The following FTO variants were observed in gnomAD, a reference collection of about 807,000 sequenced individuals.
The protein encoded by FTO is alpha-ketoglutarate-dependent dioxygenase FTO.
Under a neutral mutation model 63.9 loss-of-function variants are expected in FTO, and 47 were observed. That is an observed-to-expected ratio of 0.74 (90% CI 0.58 to 0.94). The LOEUF (loss-of-function observed/expected upper bound fraction) is 0.94. Among genes scored for constraint, FTO ranks in the 40% least tolerant of loss-of-function variants. The pLI is 0.00. For synonymous variants in FTO, 207 were observed against 224.4 expected (o/e 0.92, Z 0.69); for missense variants, 562 against 618.1 (o/e 0.91, Z 0.96).
chr16:53,961,156 T>G (rs985289068), intron 8 of FTO, among the ~76,000 whole-genome samples: 1 of 151,822 alleles, frequency 6.6e-6, no homozygotes, highest in African/African-American at 2.4e-5. Context: ...TTTTTTTTTT[T>G]CCCCTCTCCT....
intron 8 of FTO, among the ~76,000 whole-genome samples, chr16:54,076,079 C>G (rs1224282885): frequency 3.3e-5 from 5 of 152,094 alleles, no homozygotes; most frequent in African/African-American, 1.2e-4. Flanking sequence ...CATCAATATC[C>G]CTCTTCCTGA....
At chr16:53,949,624 G>A (rs2082723860) in intron 8 of FTO, among the ~76,000 whole-genome samples, 2 of 150,668 alleles carry the variant, frequency 1.3e-5, no homozygotes, top group Admixed American at 1.3e-4. Context: ...TTAACATAAG[G>A]TCAGAAAATC....
intron 1 of FTO, among the ~76,000 whole-genome samples, chr16:53,706,004 C>T (rs1187705263): frequency 6.6e-6 from 1 of 152,096 alleles, no homozygotes. Flanking sequence ...GTAGGTAAAT[C>T]GTGACTTGCC....
At chr16:53,952,086 C>T (rs943465719) in intron 8 of FTO, among the ~76,000 whole-genome samples, 1 of 151,954 alleles carries the variant, frequency 6.6e-6, no homozygotes, top group African/African-American at 2.4e-5. Context: ...CGTGTTTTGC[C>T]CATATTCCTT....
intron 8 of FTO, among the ~76,000 whole-genome samples, chr16:53,954,795 G>A (rs576555939): frequency 3.3e-5 from 5 of 151,924 alleles, no homozygotes; most frequent in Non-Finnish European, 7.4e-5. Flanking sequence ...GGCTCACGTC[G>A]TTAGTGGGCC....
intron 1 of FTO, among the ~76,000 whole-genome samples, chr16:53,784,794 A>C (rs2077689737): frequency 6.6e-6 from 1 of 152,198 alleles, no homozygotes; most frequent in African/African-American, 2.4e-5. Flanking sequence ...CTATATTTGG[A>C]GGTAGAATTC....
At chr16:54,025,024 T>C (rs2084683022) in intron 8 of FTO, among the ~76,000 whole-genome samples, 1 of 152,240 alleles carries the variant, frequency 6.6e-6, no homozygotes, top group African/African-American at 2.4e-5. Context: ...GTAGAGGCTT[T>C]TAGAAATTCC....
At chr16:53,735,053 CCT>C (rs2076359448) in intron 1 of FTO, among the ~76,000 whole-genome samples, 2 of 152,188 alleles carry the variant, frequency 1.3e-5, no homozygotes, top group Non-Finnish European at 2.9e-5. Flanking sequence ...CATGGCTGCC[CCT>C]GTTAGCAGGG....
intron 1 of FTO, among the ~76,000 whole-genome samples, chr16:53,727,275 T>C (rs2076175378): frequency 6.6e-6 from 1 of 152,192 alleles, no homozygotes; most frequent in Non-Finnish European, 1.5e-5. Flanking sequence ...CTTTCAGCTG[T>C]TAGTTTAAGG....
At chr16:53,704,020 TCG>T, upstream of FTO, 1 of 757,834 alleles carries the variant, frequency 1.3e-6, no homozygotes, top group South Asian at 1.5e-5. Flanking sequence ...CCCGTGGCGC[TCG>T]CGGGTGTCGC....
chr16:53,929,134 G>A (rs1278655418), intron 7 of FTO, among the ~76,000 whole-genome samples: 2 of 152,070 alleles, frequency 1.3e-5, no homozygotes, highest in Admixed American at 6.6e-5. Flanking sequence ...TGAGCCACAT[G>A]TCCTATGAGT....
At chr16:53,853,064 G>A (rs1253311503) in intron 4 of FTO, among the ~76,000 whole-genome samples, 16 of 152,160 alleles carry the variant, frequency 1.1e-4, no homozygotes, top group Non-Finnish European at 2.2e-4. Context: ...AGGCTGAGGC[G>A]GGCGGATCAC....
At chr16:54,078,439 C>T (rs2086054724) in intron 8 of FTO, among the ~76,000 whole-genome samples, 1 of 148,076 alleles carries the variant, frequency 6.8e-6, no homozygotes, top group Non-Finnish European at 1.5e-5. Context: ...TGCACACACA[C>T]ACTTCAAATT....
At chr16:54,032,809 A>G (rs1045635172) in intron 8 of FTO, among the ~76,000 whole-genome samples, 1 of 152,008 alleles carries the variant, frequency 6.6e-6, no homozygotes, top group African/African-American at 2.4e-5. Flanking sequence ...GGTCCTGGGG[A>G]TGGATCCCTC....
chr16:53,883,838 T>G (rs997431027), intron 6 of FTO, among the ~76,000 whole-genome samples: 2 of 152,142 alleles, frequency 1.3e-5, no homozygotes, highest in African/African-American at 2.4e-5. Flanking sequence ...GGTCATCTCC[T>G]TACTTTCACA....
intron 4 of FTO, among the ~76,000 whole-genome samples, chr16:53,856,355 CTTT>C (rs772358108): frequency 8.9e-6 from 1 of 112,764 alleles, no homozygotes; most frequent in Non-Finnish European, 1.8e-5. Flanking sequence ...CAATAAACAT[CTTT>C]TTTTTTTTTT....
At chr16:53,739,127 C>T (rs964242565) in intron 1 of FTO, among the ~76,000 whole-genome samples, 11 of 152,044 alleles carry the variant, frequency 7.2e-5, no homozygotes, top group Non-Finnish European at 2.9e-5. Flanking sequence ...GCAATCTGGC[C>T]CTTGTCTGTC....
intron 8 of FTO, among the ~76,000 whole-genome samples, chr16:54,065,130 T>C (rs1411743567): frequency 1.5e-5 from 2 of 136,320 alleles, no homozygotes; most frequent in African/African-American, 5.2e-5. Flanking sequence ...TTTTATTTTA[T>C]TTTATTTTAT....
chr16:53,825,484 C>T (rs966977194), intron 2 of FTO, among the ~76,000 whole-genome samples: 2 of 152,154 alleles, frequency 1.3e-5, no homozygotes, highest in Admixed American at 1.3e-4. Context: ...AAGTAACTTA[C>T]AACAGTACCT....
Sources: gnomAD v4.1 joint callset for allele counts (sites outside exome capture counted in the v4.1 genomes callset) on GRCh38, gnomAD v4.1.1 for gene constraint, MANE v1.5 for transcripts, NCBI Gene and HGNC (gene_info 2026-07-23, HGNC 2026-07-21) for gene names.